Variants in MGAT4C observed in about 807,000 individuals in gnomAD.
The protein encoded by MGAT4C is MGAT4 family member C, also known as alpha-1,3-mannosyl-glycoprotein 4-beta-N-acetylglucosaminyltransferase C.
Under a neutral mutation model 40.1 loss-of-function variants are expected in MGAT4C, and 19 were observed. That is an observed-to-expected ratio of 0.47 (90% CI 0.33 to 0.70). The LOEUF (loss-of-function observed/expected upper bound fraction) is 0.70. MGAT4C is among the 30% of genes least tolerant of loss of function. MGAT4C has a pLI of 0.02. For missense variants in MGAT4C, 491 were observed against 563.2 expected (o/e 0.87, Z 1.30); for synonymous variants, 181 against 187.1 (o/e 0.97, Z 0.27).
intron 1 of MGAT4C, among the ~76,000 whole-genome samples, chr12:86,051,077 T>TG (rs1892847983): frequency 6.6e-6 from 1 of 152,008 alleles, no homozygotes; most frequent in African/African-American, 2.4e-5. Context: ...GTTTGGTTTA[T>TG]GGAGTTTATG....
chr12:86,499,326 A>G (rs1565805962), intron 2 of MGAT4C, among the ~76,000 whole-genome samples: 1 of 151,662 alleles, frequency 6.6e-6, no homozygotes, highest in Non-Finnish European at 1.5e-5. Context: ...TATACAATAT[A>G]TATACATACT....
At chr12:86,552,602 C>T (rs530413025) in intron 2 of MGAT4C, among the ~76,000 whole-genome samples, 21 of 152,136 alleles carry the variant, frequency 1.4e-4, no homozygotes, top group African/African-American at 4.3e-4. Flanking sequence ...GATCATTATA[C>T]ATTATATGTA....
Position 86,110,548 on chromosome 12 carries a change from A to G in MGAT4C, c.-56-60825T>C, listed in dbSNP as rs17013643. 0.022 allele frequency among the ~76,000 whole-genome samples: 3,280 copies of G among 150,854 alleles called. 249 individuals carry two copies. The East Asian group carries it at 0.28, about 13-fold the overall frequency. ...TATTAAGTAATTTTAAAGTTCTTTA[A>G]TGTCATTTTTAGGACATTAAACATT... On this transcript the variant is annotated intron_variant, in intron 1 of 4. Coordinates refer to ENST00000611864, the MANE Select transcript of MGAT4C (RefSeq NM_001351288.2).
chr12:86,588,601 T>A (rs989780783), intron 2 of MGAT4C, among the ~76,000 whole-genome samples: 1 of 151,972 alleles, frequency 6.6e-6, no homozygotes, highest in Non-Finnish European at 1.5e-5. Flanking sequence ...AGAATATAGA[T>A]TTTTTCAGCA....
intron 1 of MGAT4C, among the ~76,000 whole-genome samples, chr12:86,134,338 C>T (rs1368761107): frequency 2.0e-5 from 3 of 152,086 alleles, no homozygotes; most frequent in African/African-American, 7.2e-5. Context: ...ATATTCACTT[C>T]AAAATTTTAG....
chr12:86,484,575 C>T (rs73191477), intron 2 of MGAT4C, among the ~76,000 whole-genome samples: 15,018 of 152,244 alleles, frequency 0.099, 993 homozygotes, highest in Middle Eastern at 0.25. Context: ...GAGTGTTGAT[C>T]CCAATCCCTC....
intron 2 of MGAT4C, among the ~76,000 whole-genome samples, chr12:86,516,393 A>T (rs781771847): frequency 6.6e-6 from 1 of 152,194 alleles, no homozygotes; most frequent in Non-Finnish European, 1.5e-5. Context: ...CTAGTTATCC[A>T]TGGCAAAATA....
At chr12:86,353,662 G>T (rs78828564) in intron 3 of MGAT4C, among the ~76,000 whole-genome samples, 1 of 152,274 alleles carries the variant, frequency 6.6e-6, no homozygotes, top group African/African-American at 2.4e-5. Context: ...AGTGCAACTG[G>T]TAGCAATGAT....
intron 2 of MGAT4C, among the ~76,000 whole-genome samples, chr12:86,697,097 T>G (rs967146156): frequency 5.9e-5 from 9 of 152,180 alleles, no homozygotes; most frequent in Non-Finnish European, 8.8e-5. Context: ...TTCCTTTGGT[T>G]GTCAATTCAG....
At chr12:86,245,864 C>G (rs1952003013) in intron 1 of MGAT4C, among the ~76,000 whole-genome samples, 1 of 152,120 alleles carries the variant, frequency 6.6e-6, no homozygotes, top group Non-Finnish European at 1.5e-5. Context: ...TCAAAAATTT[C>G]TTGAGAATAA....
intron 2 of MGAT4C, among the ~76,000 whole-genome samples, chr12:86,650,222 C>G (rs1214772716): frequency 2.6e-5 from 4 of 151,778 alleles, no homozygotes; most frequent in African/African-American, 9.7e-5. Context: ...TCCACATATC[C>G]TACAACAAAG....
At chr12:86,617,334 A>G (rs184266937) in intron 2 of MGAT4C, among the ~76,000 whole-genome samples, 5 of 152,346 alleles carry the variant, frequency 3.3e-5, no homozygotes, top group Non-Finnish European at 2.9e-5. Flanking sequence ...ATCTGCATCC[A>G]CAGATTCAAC....
chr12:86,801,233 A>G (rs532594953), intron 1 of MGAT4C, among the ~76,000 whole-genome samples: 110 of 151,988 alleles, frequency 7.2e-4, no homozygotes, highest in African/African-American at 2.6e-3. Context: ...AACGTCATAT[A>G]TTTGCAGGAA....
At chr12:86,206,795 C>T (rs1226630853) in intron 1 of MGAT4C, among the ~76,000 whole-genome samples, 1 of 152,144 alleles carries the variant, frequency 6.6e-6, no homozygotes, top group African/African-American at 2.4e-5. Context: ...TTCATATCGG[C>T]ATATCCCATA....
chr12:86,802,615 C>A (rs1347042970), intron 1 of MGAT4C, among the ~76,000 whole-genome samples: 2 of 151,158 alleles, frequency 1.3e-5, no homozygotes, highest in African/African-American at 4.9e-5. Flanking sequence ...TCTTATACAC[C>A]AACAACAGAC....
At chr12:86,275,944 CAAAAAAAAA>C (rs748476574) in intron 4 of MGAT4C, among the ~76,000 whole-genome samples, 6,077 of 69,340 alleles carry the variant, frequency 0.088, 463 homozygotes, top group East Asian at 0.37. Flanking sequence ...ACTAAAAATC[CAAAAAAAAA>C]AAAAAAAAAA....
intron 3 of MGAT4C, among the ~76,000 whole-genome samples, chr12:86,401,749 G>A (rs1195440456): frequency 6.6e-6 from 1 of 152,018 alleles, no homozygotes; most frequent in African/African-American, 2.4e-5. Context: ...GTTTTTGGAA[G>A]ATAAAATATT....
In MGAT4C at chr12:85,962,673, A is replaced by G. The variant is rs186490958; in HGVS notation, c.*16616T>C. 1 of 151,222 alleles carries G rather than the reference A, an allele frequency of 6.6e-6. No homozygotes were observed. The highest frequency in any genetic ancestry group is 2.4e-5 in the African/African-American group (1 of 41,486). The allele number at this position is 151,222 out of a possible 1,614,324, so 9.4% of individuals were successfully genotyped here. On this transcript the variant is annotated 3_prime_UTR_variant, in exon 5 of 5. Transcript: ENST00000611864. ...TTGTAATGAACTGTAAACTTCACCC[A>G]TAACATTATTAATATATCAGTGCTA...
At chr12:86,650,998 T>C (rs771955002) in intron 2 of MGAT4C, among the ~76,000 whole-genome samples, 4 of 151,896 alleles carry the variant, frequency 2.6e-5, no homozygotes, top group Admixed American at 1.3e-4. Context: ...CTTGAGGGCA[T>C]AAGAACACTT....
Sources: allele counts gnomAD v4.1 joint callset (sites outside exome capture counted in the v4.1 genomes callset), GRCh38; gene constraint gnomAD v4.1.1; transcripts MANE v1.5; gene names NCBI Gene and HGNC (gene_info 2026-07-23, HGNC 2026-07-21).